Variants in FRMD3 observed in about 807,000 individuals in gnomAD.
FRMD3 encodes FERM domain containing 3, also known as FERM domain-containing protein 3.
FRMD3 carries 33 observed loss-of-function variants against 70.2 expected under a neutral mutation model. That is an observed-to-expected ratio of 0.47 (90% CI 0.36 to 0.63). FRMD3 has a LOEUF of 0.63. Ranked by LOEUF, FRMD3 falls within the 20% of genes least tolerant of loss-of-function variation. The pLI is 0.00. For missense variants in FRMD3, 632 were observed against 711.4 expected (o/e 0.89, Z 1.27); for synonymous variants, 279 against 255.9 (o/e 1.09, Z -0.86).
At chr9:83,291,588 C>T (rs1834421411) in intron 12 of FRMD3, among the ~76,000 whole-genome samples, 1 of 151,226 alleles carries the variant, frequency 6.6e-6, no homozygotes. Flanking sequence ...TCTCTCTCTC[C>T]CTTCCTCTCC....
chr9:83,321,311 G>A (rs190774539), intron 6 of FRMD3, among the ~76,000 whole-genome samples: 55 of 152,144 alleles, frequency 3.6e-4, no homozygotes, highest in African/African-American at 1.3e-3. Context: ...TGATGTAGGC[G>A]TTTAATGCTA....
intron 13 of FRMD3, among the ~76,000 whole-genome samples, chr9:83,250,343 T>C (rs563292774): frequency 5.3e-5 from 8 of 152,298 alleles, no homozygotes; most frequent in Admixed American, 5.2e-4. Context: ...TTGGGTCTGA[T>C]ACACAGAGCT....
chr9:83,279,758 T>C (rs987979897), intron 13 of FRMD3, among the ~76,000 whole-genome samples: 28 of 130,956 alleles, frequency 2.1e-4, no homozygotes, highest in African/African-American at 8.4e-4. Flanking sequence ...TGAGAACACA[T>C]GGACACAGAG....
At chr9:83,447,783 G>C (rs893972531) in intron 1 of FRMD3, among the ~76,000 whole-genome samples, 2 of 152,140 alleles carry the variant, frequency 1.3e-5, no homozygotes, top group African/African-American at 2.4e-5. Context: ...ACAGAAGTCA[G>C]GATGTCAAAT....
intron 1 of FRMD3, among the ~76,000 whole-genome samples, chr9:83,408,452 C>A (rs1003146044): frequency 2.6e-5 from 4 of 152,142 alleles, no homozygotes; most frequent in Non-Finnish European, 5.9e-5. Flanking sequence ...ATGTGGACAT[C>A]TAGCCAATAA....
chr9:83,382,823 C>T (rs1825398153), intron 2 of FRMD3, among the ~76,000 whole-genome samples: 1 of 152,116 alleles, frequency 6.6e-6, no homozygotes, highest in African/African-American at 2.4e-5. Context: ...ACTTCACTGG[C>T]TCCCAAATCC....
intron 13 of FRMD3, among the ~76,000 whole-genome samples, chr9:83,268,595 T>C (rs555423079): frequency 2.0e-5 from 3 of 152,210 alleles, no homozygotes; most frequent in Non-Finnish European, 4.4e-5. Context: ...GAGAAAATGC[T>C]TGCAATATAC....
the FRMD3 span, among the ~76,000 whole-genome samples, chr9:83,563,359 A>G: frequency 1.3e-5 from 2 of 152,278 alleles, no homozygotes; most frequent in Non-Finnish European, 2.9e-5. Flanking sequence ...AGCCCTGCTA[A>G]GCAGCCTCTG....
intron 10 of FRMD3, among the ~76,000 whole-genome samples, chr9:83,303,890 CCT>C (rs1554684395): frequency 6.6e-6 from 1 of 152,170 alleles, no homozygotes; most frequent in East Asian, 1.9e-4. Context: ...GCAGTCACTC[CCT>C]GATTCCCCTC....
chr9:83,555,730 C>T, the FRMD3 span, among the ~76,000 whole-genome samples: 1 of 152,172 alleles, frequency 6.6e-6, no homozygotes, highest in Non-Finnish European at 1.5e-5. Flanking sequence ...GCTACTTTTG[C>T]AGGAAAGCCC....
In FRMD3 at chr9:83,283,396, T is replaced by C. The variant is rs191570320; in HGVS notation, c.1195+7207A>G. On this transcript the variant is annotated intron_variant, in intron 13 of 13. Transcript: ENST00000304195. ...ATACAAAAAAATTAGCCAGGCGTGG[T>C]GGCGGGTGACTGTAATCCCAGCTAC... 4.6e-5 allele frequency among the ~76,000 whole-genome samples: 7 copies of C among 151,946 alleles called. No homozygotes were observed. In the East Asian group the frequency reaches 1.4e-3, roughly 29 times the overall value.
At chr9:83,314,498 A>G (rs1835487687) in intron 6 of FRMD3, among the ~76,000 whole-genome samples, 1 of 152,178 alleles carries the variant, frequency 6.6e-6, no homozygotes, top group African/African-American at 2.4e-5. Flanking sequence ...AATTCATTTT[A>G]TTTTCAAAAT....
chr9:83,488,430 C>G (rs537193971), intron 1 of FRMD3, among the ~76,000 whole-genome samples: 1 of 152,246 alleles, frequency 6.6e-6, no homozygotes, highest in African/African-American at 2.4e-5. Flanking sequence ...TCATGAAACT[C>G]GAGTGAAAAT....
the FRMD3 span, among the ~76,000 whole-genome samples, chr9:83,545,895 G>A: frequency 6.6e-6 from 1 of 152,146 alleles, no homozygotes; most frequent in African/African-American, 2.4e-5. Flanking sequence ...TCACCAAGGT[G>A]TATAGTCACC....
chr9:83,511,164 G>A (rs1829330906), intron 1 of FRMD3, among the ~76,000 whole-genome samples: 1 of 152,224 alleles, frequency 6.6e-6, no homozygotes, highest in South Asian at 2.1e-4. Context: ...TCTATGCCTG[G>A]TGGATGTTAC....
intron 13 of FRMD3, among the ~76,000 whole-genome samples, chr9:83,286,595 G>A (rs1462972501): frequency 2.0e-5 from 3 of 152,200 alleles, no homozygotes; most frequent in Non-Finnish European, 4.4e-5. Context: ...GCCTCTGAAA[G>A]TGCTGGGGTT....
intron 10 of FRMD3, among the ~76,000 whole-genome samples, chr9:83,308,285 T>C (rs1429257531): frequency 6.6e-6 from 1 of 152,196 alleles, no homozygotes; most frequent in East Asian, 1.9e-4. Flanking sequence ...CAAGGCCCCA[T>C]CTACCACCAC....
At chr9:83,457,737 T>C (rs764772766) in intron 1 of FRMD3, among the ~76,000 whole-genome samples, 1 of 152,094 alleles carries the variant, frequency 6.6e-6, no homozygotes, top group African/African-American at 2.4e-5. Flanking sequence ...GCAGAACCCA[T>C]GGGTATGGAG....
chr9:83,375,355 C>T (rs536702699), intron 2 of FRMD3, among the ~76,000 whole-genome samples: 1 of 152,346 alleles, frequency 6.6e-6, no homozygotes, highest in South Asian at 2.1e-4. Flanking sequence ...AGATCAGTTT[C>T]TATCATCCTT....
Sources: gnomAD v4.1 joint callset for allele counts (sites outside exome capture counted in the v4.1 genomes callset) on GRCh38, gnomAD v4.1.1 for gene constraint, MANE v1.5 for transcripts, NCBI Gene and HGNC (gene_info 2026-07-23, HGNC 2026-07-21) for gene names.